Variants in VPS13D observed in about 807,000 individuals in gnomAD.
VPS13D encodes intermembrane lipid transfer protein VPS13D.
VPS13D carries 187 observed loss-of-function variants against 461.9 expected under a neutral mutation model. The observed-to-expected ratio is 0.40, with a 90% CI of 0.36 to 0.46. The LOEUF (loss-of-function observed/expected upper bound fraction) is 0.46. Among genes scored for constraint, VPS13D ranks in the 20% least tolerant of loss-of-function variants. The pLI, the probability that VPS13D is intolerant of heterozygous loss-of-function variation, is 0.60. For missense variants in VPS13D, 4,711 were observed against 5,364.9 expected (o/e 0.88, Z 3.81); for synonymous variants, 1,951 against 1,986.3 (o/e 0.98, Z 0.47).
At chr1:12,270,747 C>G (rs1019072324) in intron 16 of VPS13D, among the ~76,000 whole-genome samples, 5 of 152,088 alleles carry the variant, frequency 3.3e-5, no homozygotes, top group African/African-American at 1.2e-4. Flanking sequence ...CAGGGTCTTG[C>G]TCTGTCACCC....
chr1:12,371,036 A>G (rs1468399348), intron 54 of VPS13D, among the ~76,000 whole-genome samples: 3 of 152,234 alleles, frequency 2.0e-5, no homozygotes, highest in African/African-American at 7.2e-5. Context: ...ATGAGGAAGA[A>G]TAGTTTTTTT....
At chr1:12,363,951 CAAAAAAAA>C (rs70987247) in intron 52 of VPS13D, among the ~76,000 whole-genome samples, 6 of 44,582 alleles carry the variant, frequency 1.3e-4, no homozygotes, top group African/African-American at 4.1e-4. Context: ...GACTCTATCT[CAAAAAAAA>C]AAAAAAAAAA....
chr1:12,330,399 AGCAAGGCT>A (rs971494028), intron 37 of VPS13D, among the ~76,000 whole-genome samples: 27 of 152,194 alleles, frequency 1.8e-4, no homozygotes, highest in African/African-American at 6.3e-4. Context: ...TGCATGACAG[AGCAAGGCT>A]CTGTCTCAAA....
chr1:12,396,353 A>G (rs1022104549), intron 60 of VPS13D, among the ~76,000 whole-genome samples: 1 of 152,088 alleles, frequency 6.6e-6, no homozygotes, highest in Non-Finnish European at 1.5e-5. Flanking sequence ...TTTCTTGAGT[A>G]AATGCTCCTT....
rs146189579 is a variant in VPS13D, at chr1:12,277,626, A to T, written c.4038A>T (p.Pro1346=). 2.9e-5 allele frequency: 47 copies of T among 1,614,050 alleles called. No homozygotes were observed. In the African/African-American group the frequency reaches 5.7e-4, roughly 20 times the overall value. The change falls in exon 19 of 70, where the codon CCA becomes CCT. Residue 1346 remains proline (P), a synonymous_variant. Transcript: ENST00000620676. ...AGATGGTATCGCTCTTTGAAACTCC[A>T]AGGAAGACTCGGGAACCCTTTATCT... is the stretch of plus-strand genomic sequence containing the variant. ...YSEMVSLFET[P]RKTREPFILE... is the part of the protein sequence containing the mutation.
In VPS13D at chr1:12,357,990, C is replaced by G. The variant is rs1481089157; in HGVS notation, c.9999-469C>G. Among the ~76,000 whole-genome samples, 3 of 142,348 alleles carry G rather than the reference C, an allele frequency of 2.1e-5. No individual in the cohort carries two copies. The East Asian group carries it at 6.2e-4, about 29-fold the overall frequency. The allele number at this position is 142,348 out of a possible 152,430, so 93.4% of individuals were successfully genotyped here. ...TTGCACTCCAGCCTGGGCGACAGAG[C>G]AAGATTCCACCTCAAAAAAAAAAAA... On this transcript the variant is annotated intron_variant, in intron 49 of 69. Transcript: ENST00000620676.
Position 12,293,719 on chromosome 1 carries a change from C to T in VPS13D, c.6033+15C>T, listed in dbSNP as rs747066617. Reference sequence around the variant, plus strand: ...AGGGGCAGACGGTAGGTAGCCTGGGCCCTCCAAGCTGCTTTTCCAGTTTGA... The same window carrying T: ...AGGGGCAGACGGTAGGTAGCCTGGGTCCTCCAAGCTGCTTTTCCAGTTTGA... On this transcript the variant is annotated intron_variant, in intron 24 of 69. Transcript: ENST00000620676. 2 of 1,608,408 alleles carry T rather than the reference C, an allele frequency of 1.2e-6. No individual in the cohort carries two copies. The highest frequency in any genetic ancestry group is 2.2e-5 in the South Asian group (2 of 90,206).
In VPS13D at chr1:12,349,692, C is replaced by T. The variant is rs79552282; in HGVS notation, c.9431+318C>T. On this transcript the variant is annotated intron_variant, in intron 46 of 69. Coordinates refer to ENST00000620676, the MANE Select transcript of VPS13D (RefSeq NM_015378.4). ...GGGAAGGAAAACAAACAGAAAATAA[C>T]GAGTTCTCATTCCAAAATTGGAAAG... Among the ~76,000 whole-genome samples, 869 of 152,186 alleles carry T rather than the reference C, an allele frequency of 5.7e-3. 7 individuals are homozygous for T. The highest frequency in any genetic ancestry group is 0.019 in the African/African-American group (771 of 41,520).
chr1:12,405,216 A>G (rs1644636462), intron 63 of VPS13D, among the ~76,000 whole-genome samples: 1 of 152,242 alleles, frequency 6.6e-6, no homozygotes, highest in Non-Finnish European at 1.5e-5. Context: ...TCATGGAGGA[A>G]TGTGAACCTG....
chr1:12,292,827 A>G (rs1312354386), intron 23 of VPS13D, among the ~76,000 whole-genome samples: 2 of 152,032 alleles, frequency 1.3e-5, no homozygotes, highest in African/African-American at 4.8e-5. Flanking sequence ...TTTCATTTTT[A>G]GGGGGTTATA....
At chr1:12,361,399 A>ATT (rs1406588951) in intron 50 of VPS13D, among the ~76,000 whole-genome samples, 24 of 140,688 alleles carry the variant, frequency 1.7e-4, no homozygotes, top group East Asian at 1.2e-3. Context: ...TTATTTATTT[A>ATT]TTTATTTTTT....
chr1:12,464,975 A>C (rs949574699), intron 67 of VPS13D: 2 of 152,252 alleles, frequency 1.3e-5, no homozygotes, highest in African/African-American at 4.8e-5. Context: ...CACTGAAGCT[A>C]TGTGAAGAGC....
chr1:12,247,016 T>C (rs573034092), intron 5 of VPS13D, among the ~76,000 whole-genome samples: 76 of 152,280 alleles, frequency 5.0e-4, no homozygotes, highest in African/African-American at 1.8e-3. Flanking sequence ...TGAGGAATTA[T>C]GGGGTAACTC....
chr1:12,372,800 CTTTTTTTTT>C (rs764284126), intron 54 of VPS13D, among the ~76,000 whole-genome samples: 1 of 126,772 alleles, frequency 7.9e-6, no homozygotes, highest in African/African-American at 2.9e-5. Context: ...AATCCATTAC[CTTTTTTTTT>C]TTTTTTTTTT....
chr1:12,475,217 G>T (rs2100462793), intron 67 of VPS13D, among the ~76,000 whole-genome samples: 1 of 152,292 alleles, frequency 6.6e-6, no homozygotes, highest in Non-Finnish European at 1.5e-5. Flanking sequence ...AATCACAAGA[G>T]CAGAGCCCTG....
intron 21 of VPS13D, among the ~76,000 whole-genome samples, chr1:12,285,299 T>A (rs1009400061): frequency 6.8e-6 from 1 of 147,264 alleles, no homozygotes; most frequent in Non-Finnish European, 1.5e-5. Context: ...TTTATTTATT[T>A]TTTTTTTTTG....
chr1:12,429,799 A>G (rs907142760), intron 65 of VPS13D, among the ~76,000 whole-genome samples: 2 of 152,190 alleles, frequency 1.3e-5, no homozygotes, highest in African/African-American at 4.8e-5. Context: ...CCTGGCTCTC[A>G]TGAAGCCAGG....
At chr1:12,247,852 C>T (rs560633538) in intron 5 of VPS13D, among the ~76,000 whole-genome samples, 5 of 149,722 alleles carry the variant, frequency 3.3e-5, no homozygotes, top group African/African-American at 7.4e-5. Flanking sequence ...TACAGGCCTG[C>T]GCTATCATGC....
chr1:12,470,895 T>C (rs996149018), intron 67 of VPS13D, among the ~76,000 whole-genome samples: 5 of 152,170 alleles, frequency 3.3e-5, no homozygotes, highest in Non-Finnish European at 5.9e-5. Flanking sequence ...TGAAAACAAA[T>C]AGTTATAGTT....
Sources: allele counts gnomAD v4.1 joint callset (sites outside exome capture counted in the v4.1 genomes callset), GRCh38; gene constraint gnomAD v4.1.1; transcripts MANE v1.5; gene names NCBI Gene and HGNC (gene_info 2026-07-23, HGNC 2026-07-21).